Variants in MFHAS1 observed in about 807,000 individuals in gnomAD.
MFHAS1 encodes the protein malignant fibrous histiocytoma-amplified sequence 1.
A neutral mutation model predicts 70.4 loss-of-function variants in MFHAS1; 50 were observed. That is an observed-to-expected ratio of 0.71 (90% confidence interval 0.57 to 0.90). The LOEUF is 0.90. Among genes scored for constraint, MFHAS1 ranks in the 40% least tolerant of loss-of-function variants. The pLI is 0.00. For missense variants in MFHAS1, 1,795 were observed against 1,347.6 expected, an observed-to-expected ratio of 1.33 and a Z score of -5.20; for synonymous variants, 952 against 620.0, an observed-to-expected ratio of 1.54 and a Z score of -7.96.
intron 1 of MFHAS1, among the ~76,000 whole-genome samples, chr8:8,802,189 T>C (rs977106209): frequency 6.6e-6 from 1 of 152,184 alleles, no homozygotes; most frequent in Non-Finnish European, 1.5e-5. Flanking sequence ...ATCCTCATTA[T>C]ATACAGAAGA....
At position 8,879,722 on chromosome 8, in the gene MFHAS1, A is replaced by G. The variant is rs191896516; in HGVS notation, c.2998+10339T>C. On this transcript the variant is annotated intron_variant, in intron 1 of 2. Transcript: ENST00000276282. ...GATTCCGTATTTACAAGAATCAACAATGACATTAACCAAGATCCCAACACA... is the reference window on the plus strand; with the variant it reads ...GATTCCGTATTTACAAGAATCAACAGTGACATTAACCAAGATCCCAACACA... 3.3e-3 allele frequency among the ~76,000 whole-genome samples: 501 copies of G among 152,328 alleles called. 1 individual carries two copies. The highest frequency in any genetic ancestry group is 7.1e-3 in the Admixed American group (108 of 15,298).
intron 1 of MFHAS1, among the ~76,000 whole-genome samples, chr8:8,823,512 T>A (rs1024172217): frequency 1.3e-5 from 2 of 152,162 alleles, no homozygotes; most frequent in Admixed American, 6.5e-5. Context: ...CTCTAGGGTC[T>A]CTTCGAGCTT....
At chr8:8,835,071 A>T (rs1033373459) in intron 1 of MFHAS1, among the ~76,000 whole-genome samples, 2 of 152,178 alleles carry the variant, frequency 1.3e-5, no homozygotes, top group Non-Finnish European at 2.9e-5. Flanking sequence ...ATACTAAATG[A>T]CTGAATGTAT....
At chr8:8,865,191 C>T (rs555585350) in intron 1 of MFHAS1, among the ~76,000 whole-genome samples, 95 of 146,296 alleles carry the variant, frequency 6.5e-4, no homozygotes, top group Non-Finnish European at 7.4e-4. Context: ...GCAGGAGAAT[C>T]GCTCGAACCC....
intron 1 of MFHAS1, among the ~76,000 whole-genome samples, chr8:8,826,753 T>C (rs1006672277): frequency 9.9e-5 from 15 of 152,092 alleles, no homozygotes; most frequent in Non-Finnish European, 1.8e-4. Context: ...TGGTTGGACA[T>C]TTCTGGAAAT....
At position 8,785,940 on chromosome 8, in the gene MFHAS1, G is replaced by T; in HGVS notation, c.*82C>A. On this transcript the variant is annotated 3_prime_UTR_variant, in exon 3 of 3. Transcript: ENST00000276282. The stretch of plus-strand genomic sequence containing the variant: ...GTTCACAGAACACGCTGGGGTGAGT[G>T]CAGAGGGTCTGCCAGGTGCAAAAGA... The T allele has an allele frequency of 7.2e-7, 1 of 1,384,122 alleles. No individual in the cohort carries two copies. The highest frequency in any genetic ancestry group is 1.0e-6 in the Non-Finnish European group (1 of 984,976). The allele number at this position is 1,384,122 out of a possible 1,614,324, so 85.7% of individuals were successfully genotyped here.
intron 1 of MFHAS1, among the ~76,000 whole-genome samples, chr8:8,832,491 G>T (rs904673710): frequency 2.6e-5 from 4 of 151,228 alleles, no homozygotes; most frequent in Admixed American, 2.0e-4. Flanking sequence ...AATGAGCAAA[G>T]ATGCTCATCA....
chr8:8,891,688 G>A lies in MFHAS1; in HGVS notation c.1371C>T (p.Gly457=). 6.2e-7 allele frequency: 1 copy of A among 1,613,574 alleles called. No individual in the cohort carries two copies. Among genetic ancestry groups the A allele is most frequent in the Non-Finnish European group, 8.5e-7 (1 of 1,180,032 alleles). The part of the protein sequence containing the change: ...YPPSPPPVSK[G]IEVTSWTADA... ...CGGCCGTCCAGCTGGTCACCTCGAT[G>A]CCCTTGCTCACAGGGGGAGGTGACG... is the stretch of plus-strand genomic sequence containing the variant. The change falls in exon 1 of 3, where the codon GGC becomes GGT. Residue 457 remains glycine (G), a synonymous_variant. Transcript: ENST00000276282. The surrounding 1 kb of genome is among the most constrained non-coding windows in gnomAD (Gnocchi z 5.4).
intron 1 of MFHAS1, among the ~76,000 whole-genome samples, chr8:8,841,101 T>A (rs1312562921): frequency 6.6e-6 from 1 of 152,230 alleles, no homozygotes; most frequent in Admixed American, 6.5e-5. Context: ...AAGGTCAAGC[T>A]ACCTATGTAA....
rs35799658 is a variant in MFHAS1, at chr8:8,883,707, C to CAAAAAAAAA, written c.2998+6345_2998+6353dup. ...TGGGCAACAGAGCGAGACTCAGTCTCAAAAAAAAAAAAAAAAAAAAAAAAG... is the reference window on the plus strand; with the variant it reads ...TGGGCAACAGAGCGAGACTCAGTCTCAAAAAAAAAAAAAAAAAAAAAAAAAAAAAAAAAG... On this transcript the variant is annotated intron_variant, in intron 1 of 2. Transcript: ENST00000276282. 2.8e-3 allele frequency among the ~76,000 whole-genome samples: 82 copies of CAAAAAAAAA among 29,528 alleles called. 1 individual carries two copies. The highest frequency in any genetic ancestry group is 5.7e-3 in the African/African-American group (40 of 7,012). The allele number at this position is 29,528 out of a possible 152,430, so 19.4% of individuals were successfully genotyped here. A position where few individuals can be genotyped will look rare whatever the true frequency, so the allele number is the denominator to read the frequency against.
chr8:8,799,479 G>A (rs958135882), intron 1 of MFHAS1, among the ~76,000 whole-genome samples: 5 of 152,196 alleles, frequency 3.3e-5, no homozygotes, highest in African/African-American at 4.8e-5. Flanking sequence ...ATTTCTGGCT[G>A]GGACAGTGGT....
At position 8,797,468 on chromosome 8, in the gene MFHAS1, G is replaced by C. The variant is rs1412635294; in HGVS notation, c.3022C>G (p.Pro1008Ala). 9.3e-6 allele frequency: 15 copies of C among 1,613,930 alleles called. No homozygotes were observed. The Admixed American group carries it at 2.5e-4, about 27-fold the overall frequency. Residue 1008 changes from proline to alanine, a missense_variant, in exon 2 of 3, where the codon CCG (proline) becomes GCG (alanine). By Grantham distance (27) the Pro-to-Ala change is conservative (BLOSUM62 -1). Transcript: ENST00000276282. Reference sequence around the variant, plus strand: ...CAAATGATCTCTGCCACTCCTTCCGGTCTGGGCTGACTCAGCAACTCCCCT... The same window carrying C: ...CAAATGATCTCTGCCACTCCTTCCGCTCTGGGCTGACTCAGCAACTCCCCT... ...FPGELLSQPR[P>A]EGVAEIICPK... is the part of the protein sequence containing the mutation.
intron 2 of MFHAS1, among the ~76,000 whole-genome samples, chr8:8,796,557 G>A (rs995748431): frequency 3.3e-5 from 5 of 149,320 alleles, no homozygotes; most frequent in East Asian, 4.0e-4. Context: ...GGTGGCGGGC[G>A]CCTGTAGTCC....
intron 1 of MFHAS1, among the ~76,000 whole-genome samples, chr8:8,868,836 A>C (rs1251278270): frequency 1.3e-5 from 2 of 151,968 alleles, no homozygotes; most frequent in Non-Finnish European, 1.5e-5. Flanking sequence ...CTGATATCTC[A>C]CTCAGATTCT....
At chr8:8,811,056 C>T (rs944188417) in intron 1 of MFHAS1, among the ~76,000 whole-genome samples, 2 of 152,002 alleles carry the variant, frequency 1.3e-5, no homozygotes, top group Non-Finnish European at 2.9e-5. Context: ...TAATATCTCG[C>T]GCAGGCAGAA....
chr8:8,855,738 C>T (rs189080228), intron 1 of MFHAS1, among the ~76,000 whole-genome samples: 1 of 152,246 alleles, frequency 6.6e-6, no homozygotes, highest in Admixed American at 6.5e-5. Flanking sequence ...CACCTGTAAT[C>T]CCAGCTACTT....
chr8:8,844,328 G>C (rs1404558047), intron 1 of MFHAS1, among the ~76,000 whole-genome samples: 2 of 152,182 alleles, frequency 1.3e-5, no homozygotes, highest in Non-Finnish European at 2.9e-5. Flanking sequence ...CTCACAGGTA[G>C]TCTCACCAGA....
intron 2 of MFHAS1, among the ~76,000 whole-genome samples, chr8:8,789,511 G>A (rs909866656): frequency 2.6e-5 from 4 of 152,204 alleles, no homozygotes; most frequent in African/African-American, 9.7e-5. Flanking sequence ...TCCCAGGTTA[G>A]GGAATTGAAA....
chr8:8,889,844 G>C (rs1048013940), intron 1 of MFHAS1, among the ~76,000 whole-genome samples: 3 of 152,212 alleles, frequency 2.0e-5, no homozygotes, highest in African/African-American at 7.2e-5. Context: ...TTGGAAGTCT[G>C]AGTCTGTTAG....
Sources: gnomAD v4.1 joint callset for allele counts (sites outside exome capture counted in the v4.1 genomes callset) on GRCh38, gnomAD v4.1.1 for gene constraint, Gnocchi (gnomAD v3.1) non-coding constraint, MANE v1.5 for transcripts, NCBI Gene and HGNC (gene_info 2026-07-23, HGNC 2026-07-21) for gene names.